The following IL1RAPL2 variants were observed in gnomAD, a reference collection of about 807,000 sequenced individuals.
IL1RAPL2 encodes the protein interleukin 1 receptor accessory protein like 2, also known as X-linked interleukin-1 receptor accessory protein-like 2.
A neutral mutation model predicts 44.1 loss-of-function variants in IL1RAPL2; 3 were observed. The ratio of observed to expected loss-of-function variants is 0.07; its 90% CI spans 0.03 to 0.18. The LOEUF is 0.18. Among genes scored for constraint, IL1RAPL2 ranks in the 10% least tolerant of loss-of-function variants. The pLI is 1.00. For missense variants in IL1RAPL2, 391 were observed against 496.4 expected (o/e 0.79, Z 2.02); for synonymous variants, 181 against 178.8 (o/e 1.01, Z -0.10).
At chrX:104,965,083 C>T (rs1447936299) in intron 2 of IL1RAPL2, among the ~76,000 whole-genome samples, 1 of 111,977 alleles carries the variant, frequency 8.9e-6, no homozygotes, top group Non-Finnish European at 1.9e-5. Flanking sequence ...TAACAGTAAA[C>T]TTGCAGTTGC....
intron 2 of IL1RAPL2, among the ~76,000 whole-genome samples, chrX:104,910,181 C>G (rs946733252): frequency 8.9e-6 from 1 of 112,396 alleles, no homozygotes; most frequent in Non-Finnish European, 1.9e-5. Flanking sequence ...TTGCGCTTCC[C>G]GAGTGAGGCA....
intron 2 of IL1RAPL2, among the ~76,000 whole-genome samples, chrX:105,027,719 A>G (rs1165200014): frequency 9.0e-6 from 1 of 111,595 alleles, no homozygotes; most frequent in Non-Finnish European, 1.9e-5. Flanking sequence ...ACCCTTGTAT[A>G]CTGCTGGTGG....
intron 6 of IL1RAPL2, among the ~76,000 whole-genome samples, chrX:105,552,165 C>A (rs369892844): frequency 1.7e-3 from 185 of 110,274 alleles, no homozygotes; most frequent in African/African-American, 5.8e-3. Flanking sequence ...ATACTTAACT[C>A]TCTTGTAATA....
intron 4 of IL1RAPL2, among the ~76,000 whole-genome samples, chrX:105,254,786 C>T (rs2034301321): frequency 8.9e-6 from 1 of 112,039 alleles, no homozygotes; most frequent in African/African-American, 3.2e-5. Context: ...AGCCAGTTGT[C>T]CCAGCATCAT....
chrX:105,181,049 A>T (rs1556130574), intron 2 of IL1RAPL2, among the ~76,000 whole-genome samples: 1 of 111,478 alleles, frequency 9.0e-6, no homozygotes, highest in Non-Finnish European at 1.9e-5. Context: ...TTTCTTCCTG[A>T]TTTAGTCTTG....
intron 6 of IL1RAPL2, among the ~76,000 whole-genome samples, chrX:105,600,541 A>C (rs1039938219): frequency 2.8e-5 from 3 of 108,536 alleles, no homozygotes; most frequent in African/African-American, 9.9e-5. Flanking sequence ...ATAATGAATA[A>C]TATTTAATGA....
intron 2 of IL1RAPL2, among the ~76,000 whole-genome samples, chrX:104,871,685 G>A (rs1305212746): frequency 9.0e-6 from 1 of 111,087 alleles, no homozygotes; most frequent in Non-Finnish European, 1.9e-5. Flanking sequence ...ATTCAAATAT[G>A]ACACACAAAG....
At chrX:105,090,447 T>C (rs1004362106) in intron 2 of IL1RAPL2, among the ~76,000 whole-genome samples, 18 of 112,119 alleles carry the variant, frequency 1.6e-4, no homozygotes, top group Non-Finnish European at 5.6e-5. Context: ...CCATCTCCCT[T>C]TCCCATCCAC....
At chrX:104,964,317 T>TTTA (rs2030073914) in intron 2 of IL1RAPL2, among the ~76,000 whole-genome samples, 2 of 105,370 alleles carry the variant, frequency 1.9e-5, no homozygotes, top group Non-Finnish European at 3.9e-5. Context: ...TATTTATTTA[T>TTTA]TTTATTTATT....
chrX:104,675,681 C>T (rs1213882033), intron 2 of IL1RAPL2, among the ~76,000 whole-genome samples: 11 of 110,590 alleles, frequency 9.9e-5, no homozygotes, highest in Non-Finnish European at 1.5e-4. Flanking sequence ...TTTGATCTGT[C>T]TAATGTTGAC....
chrX:105,700,207 C>T (rs998986644), intron 6 of IL1RAPL2, among the ~76,000 whole-genome samples: 2 of 111,335 alleles, frequency 1.8e-5, no homozygotes, highest in African/African-American at 6.5e-5. Flanking sequence ...CTTTCGGCTC[C>T]ATCACTGCAT....
chrX:105,682,384 T>A lies in IL1RAPL2; in HGVS notation c.773-34983T>A, dbSNP rs1341150353. ...CTGTATATTAATAAAACTCCATAGT[T>A]AAGTGATGTGAATTCCTATTTGAAA... On this transcript the variant is annotated intron_variant, in intron 6 of 10. Transcript: ENST00000372582. Among the ~76,000 whole-genome samples the A allele has an allele frequency of 2.7e-5, 3 of 111,759 alleles. No homozygotes were observed. The East Asian group carries it at 8.4e-4, about 31-fold the overall frequency.
At chrX:105,134,215 T>C in intron 2 of IL1RAPL2, among the ~76,000 whole-genome samples, 1 of 112,285 alleles carries the variant, frequency 8.9e-6, no homozygotes, top group Middle Eastern at 4.6e-3. Flanking sequence ...ATCTGATCAA[T>C]TCAGTGAGCA....
At chrX:104,613,920 G>A (rs7050745) in intron 1 of IL1RAPL2, among the ~76,000 whole-genome samples, 2 of 108,042 alleles carry the variant, frequency 1.9e-5, no homozygotes, top group African/African-American at 6.8e-5. Flanking sequence ...TCAATCTTGG[G>A]AGAGTGTGTG....
chrX:105,333,324 G>T (rs1488239340), intron 5 of IL1RAPL2, among the ~76,000 whole-genome samples: 1 of 111,439 alleles, frequency 9.0e-6, no homozygotes, highest in African/African-American at 3.3e-5. Flanking sequence ...GCAGAAGAAT[G>T]AAACAAGACC....
At chrX:105,077,389 T>G (rs987188202) in intron 2 of IL1RAPL2, among the ~76,000 whole-genome samples, 10 of 112,200 alleles carry the variant, frequency 8.9e-5, no homozygotes, top group African/African-American at 3.2e-4. Context: ...TCTTCTGGCT[T>G]GTAGAGTTTC....
At chrX:105,379,721 C>A (rs1285973879) in intron 5 of IL1RAPL2, among the ~76,000 whole-genome samples, 1 of 111,510 alleles carries the variant, frequency 9.0e-6, no homozygotes, top group Non-Finnish European at 1.9e-5. Flanking sequence ...GTGGAGATAA[C>A]AACTACTCCA....
At chrX:104,956,037 A>G (rs776488268) in intron 2 of IL1RAPL2, among the ~76,000 whole-genome samples, 2 of 112,228 alleles carry the variant, frequency 1.8e-5, no homozygotes, top group South Asian at 3.7e-4. Flanking sequence ...TATTTGCTCC[A>G]CAAGTATTCT....
chrX:105,716,891 C>A (rs2038261276), intron 6 of IL1RAPL2, among the ~76,000 whole-genome samples: 1 of 111,885 alleles, frequency 8.9e-6, no homozygotes, highest in Non-Finnish European at 1.9e-5. Flanking sequence ...AAAAGATAGT[C>A]TTTTCATTTG....
Sources: allele counts gnomAD v4.1 joint callset (sites outside exome capture counted in the v4.1 genomes callset), GRCh38; gene constraint gnomAD v4.1.1; transcripts MANE v1.5; gene names NCBI Gene and HGNC (gene_info 2026-07-23, HGNC 2026-07-21).